Variants in LUZP2 observed in about 807,000 individuals in gnomAD.
LUZP2 encodes the protein leucine zipper protein 2.
A neutral mutation model predicts 51.6 loss-of-function variants in LUZP2; 52 were observed. The observed-to-expected ratio is 1.01, with a 90% CI of 0.81 to 1.27. The LOEUF (loss-of-function observed/expected upper bound fraction) is 1.27, where lower values mean the gene tolerates loss of function less well. LUZP2 is among the 50% of genes most tolerant of loss of function. LUZP2 has a pLI of 0.00. For missense variants in LUZP2, 436 were observed against 395.4 expected, an observed-to-expected ratio of 1.10 and a Z score of -0.87; for synonymous variants, 154 against 137.3, an observed-to-expected ratio of 1.12 and a Z score of -0.85.
intron 5 of LUZP2, among the ~76,000 whole-genome samples, chr11:24,773,301 C>CTAT (rs1848805522): frequency 1.3e-5 from 2 of 152,098 alleles, no homozygotes; most frequent in Non-Finnish European, 1.5e-5. Context: ...CAATCGCTAA[C>CTAT]CATGAGAAAT....
intron 1 of LUZP2, among the ~76,000 whole-genome samples, chr11:24,513,467 A>C (rs989690830): frequency 6.6e-6 from 1 of 152,176 alleles, no homozygotes; most frequent in South Asian, 2.1e-4. Context: ...GTCTTAAACT[A>C]TTTTCAGATA....
chr11:24,868,005 T>C (rs1205775079), intron 5 of LUZP2, among the ~76,000 whole-genome samples: 1 of 152,160 alleles, frequency 6.6e-6, no homozygotes, highest in African/African-American at 2.4e-5. Context: ...CTTGTTCTGA[T>C]CCATGGCCAG....
intron 9 of LUZP2, among the ~76,000 whole-genome samples, chr11:24,998,612 T>C (rs183374366): frequency 6.6e-6 from 1 of 152,342 alleles, no homozygotes; most frequent in East Asian, 1.9e-4. Flanking sequence ...AAAAATCAGA[T>C]TTTTAGAAAT....
chr11:24,809,729 AT>A (rs927082537), intron 5 of LUZP2, among the ~76,000 whole-genome samples: 50 of 151,872 alleles, frequency 3.3e-4, no homozygotes, highest in Admixed American at 3.0e-3. Flanking sequence ...GATAAAATAG[AT>A]TTTTTTCCTT....
chr11:24,911,015 G>A (rs908326399), intron 6 of LUZP2, among the ~76,000 whole-genome samples: 4 of 152,144 alleles, frequency 2.6e-5, no homozygotes, highest in Admixed American at 2.6e-4. Flanking sequence ...TGTGAGACAT[G>A]GAGTCAAAGG....
chr11:24,619,456 C>T (rs1465095911), intron 1 of LUZP2, among the ~76,000 whole-genome samples: 5 of 152,128 alleles, frequency 3.3e-5, no homozygotes, highest in African/African-American at 1.2e-4. Context: ...TATCCCAGTG[C>T]CATATACTTG....
chr11:24,684,318 T>G (rs1856833774), intron 1 of LUZP2, among the ~76,000 whole-genome samples: 1 of 152,226 alleles, frequency 6.6e-6, no homozygotes, highest in Non-Finnish European at 1.5e-5. Context: ...GATGATCATT[T>G]TTCAATCCTA....
chr11:24,543,924 T>C (rs886499112), intron 1 of LUZP2, among the ~76,000 whole-genome samples: 2 of 151,386 alleles, frequency 1.3e-5, no homozygotes, highest in African/African-American at 2.4e-5. Flanking sequence ...GATGAAGATA[T>C]GTGCTGAGAC....
intron 1 of LUZP2, among the ~76,000 whole-genome samples, chr11:24,680,545 G>A (rs188095687): frequency 1.2e-4 from 18 of 152,218 alleles, no homozygotes; most frequent in Middle Eastern, 3.4e-3. Flanking sequence ...TGTCATACAG[G>A]GAATGAGAGA....
At chr11:24,707,298 C>CTGTGTGTGCGTGTGTGTGTG (rs1554976586) in intron 1 of LUZP2, among the ~76,000 whole-genome samples, 2 of 149,126 alleles carry the variant, frequency 1.3e-5, no homozygotes, top group African/African-American at 5.1e-5. Context: ...CTCTCTCATT[C>CTGTGTGTGCGTGTGTGTGTG]TGTGTGTGCG....
At chr11:24,649,634 T>C (rs1855564697) in intron 1 of LUZP2, among the ~76,000 whole-genome samples, 1 of 151,880 alleles carries the variant, frequency 6.6e-6, no homozygotes, top group Admixed American at 6.6e-5. Flanking sequence ...TTCCATCAAT[T>C]CCCTTTTGGT....
intron 1 of LUZP2, among the ~76,000 whole-genome samples, chr11:24,567,451 A>G (rs1852283425): frequency 6.6e-6 from 1 of 152,094 alleles, no homozygotes; most frequent in African/African-American, 2.4e-5. Context: ...AATGTGATGT[A>G]ACCATTAGTA....
At chr11:24,618,622 C>G (rs1384504762) in intron 1 of LUZP2, among the ~76,000 whole-genome samples, 1 of 152,120 alleles carries the variant, frequency 6.6e-6, no homozygotes, top group Non-Finnish European at 1.5e-5. Flanking sequence ...TTCTTCAATT[C>G]CAAGTCTGAG....
chr11:24,963,497 T>C (rs10767285), intron 7 of LUZP2, among the ~76,000 whole-genome samples: 151,207 of 152,292 alleles, frequency 0.99, 75,082 homozygotes, highest in Middle Eastern at 1. Flanking sequence ...GCCCCGCTGC[T>C]GCCTTGCAGT....
intron 5 of LUZP2, among the ~76,000 whole-genome samples, chr11:24,820,849 C>A (rs2134157272): frequency 6.6e-6 from 1 of 152,236 alleles, no homozygotes; most frequent in East Asian, 1.9e-4. Context: ...TTAGACAAGT[C>A]TCCTCTTCAG....
intron 7 of LUZP2, among the ~76,000 whole-genome samples, chr11:24,944,199 G>A (rs1460828172): frequency 6.6e-6 from 1 of 152,104 alleles, no homozygotes; most frequent in Non-Finnish European, 1.5e-5. Flanking sequence ...CTGAGAAGGG[G>A]TCAAAGGCAT....
intron 1 of LUZP2, among the ~76,000 whole-genome samples, chr11:24,687,401 T>G (rs1271085308): frequency 6.6e-6 from 1 of 152,186 alleles, no homozygotes; most frequent in African/African-American, 2.4e-5. Flanking sequence ...GAATTTACTA[T>G]GTGCTTGATC....
rs1254855368 is a variant in LUZP2 at position 25,079,496 on chromosome 11, G to A, written c.*838G>A. The A allele has an allele frequency of 6.6e-6, 1 of 152,050 alleles. No homozygotes were observed. The highest frequency in any genetic ancestry group is 2.4e-5 in the African/African-American group (1 of 41,440). 9.4% of individuals were successfully genotyped at this position (152,050 alleles called of 1,614,324 possible). A position where few individuals can be genotyped will look rare whatever the true frequency, so the allele number is the denominator to read the frequency against. On this transcript the variant is annotated 3_prime_UTR_variant, in exon 12 of 12. Coordinates refer to ENST00000336930, the MANE Select transcript of LUZP2 (RefSeq NM_001009909.4). ...GCAGGTAATATATATCACAAAACAG[G>A]GGTCTGATGAAAGTACAATAGCCAT...
rs149952947 is a variant in LUZP2 at position 24,628,514 on chromosome 11, G to A, written c.63-100655G>A. On this transcript the variant is annotated intron_variant, in intron 1 of 11. Coordinates refer to ENST00000336930, the MANE Select transcript of LUZP2 (RefSeq NM_001009909.4). ...GAGTCCTGATTTATTAGTTTCAAAA[G>A]CATTTTCTAAGTAATTGCCTCATAC... Among the ~76,000 whole-genome samples, 38 of 152,080 alleles carry A rather than the reference G, an allele frequency of 2.5e-4. No individual in the cohort carries two copies. In the East Asian group the frequency reaches 6.6e-3, roughly 26 times the overall value.
Sources: gnomAD v4.1 joint callset for allele counts (sites outside exome capture counted in the v4.1 genomes callset) on GRCh38, gnomAD v4.1.1 for gene constraint, MANE v1.5 for transcripts, NCBI Gene and HGNC (gene_info 2026-07-23, HGNC 2026-07-21) for gene names.